RELCH: variants seen among roughly 807,000 people sequenced by gnomAD.
RELCH encodes RAB11-binding protein RELCH.
Under a neutral mutation model 150.3 loss-of-function variants are expected in RELCH, and 41 were observed. That is an observed-to-expected ratio of 0.27 (90% CI 0.21 to 0.35). The LOEUF (loss-of-function observed/expected upper bound fraction) is 0.35. Ranked by LOEUF, RELCH falls within the 10% of genes least tolerant of loss-of-function variation. The pLI is 1.00. For missense variants in RELCH, 1,092 were observed against 1,467.8 expected (o/e 0.74, Z 4.18); for synonymous variants, 478 against 531.8 (o/e 0.90, Z 1.39).
intron 19 of RELCH, 29 bp from the exon 20 acceptor site, chr18:62,268,839 TG>T (rs761211025): frequency 7.9e-5 from 92 of 1,161,250 alleles, no homozygotes; most frequent in African/African-American, 3.2e-5. Context: ...AATATACTTA[TG>T]TTTTTTTAAA....
intron 1 of RELCH, among the ~76,000 whole-genome samples, chr18:62,188,977 AATTG>A (rs1365612296): frequency 2.6e-5 from 4 of 152,176 alleles, no homozygotes; most frequent in Non-Finnish European, 5.9e-5. Context: ...ACTGCAGCCT[AATTG>A]ATTTTTTTTT....
chr18:62,282,207 C>A, intron 24 of RELCH, 99 bp from the exon 25 acceptor site: 1 of 967,534 alleles, frequency 1.0e-6, no homozygotes, highest in Non-Finnish European at 1.6e-6. Flanking sequence ...TTGCTTTAAT[C>A]CACTGCTTTA....
chr18:62,238,084 A>G (rs2041965746), intron 10 of RELCH, among the ~76,000 whole-genome samples: 2 of 152,008 alleles, frequency 1.3e-5, no homozygotes, highest in Admixed American at 6.6e-5. Context: ...ATGGCGTGCT[A>G]TCTATCATAA....
intron 26 of RELCH, among the ~76,000 whole-genome samples, chr18:62,288,207 A>G (rs1289711462): frequency 6.6e-6 from 1 of 152,150 alleles, no homozygotes; most frequent in Non-Finnish European, 1.5e-5. Flanking sequence ...TAAAAGGCAG[A>G]AGGGTTGAAG....
chr18:62,288,428 G>A (rs2044933624), intron 26 of RELCH, among the ~76,000 whole-genome samples: 1 of 152,062 alleles, frequency 6.6e-6, no homozygotes. Flanking sequence ...AACAGTCATT[G>A]ACACTGGATT....
At chr18:62,299,795 A>G (rs1184987736) in intron 28 of RELCH, among the ~76,000 whole-genome samples, 4 of 152,166 alleles carry the variant, frequency 2.6e-5, no homozygotes, top group Admixed American at 2.6e-4. Context: ...CCCAGCTTCA[A>G]TTTCATCCAT....
At position 62,249,422 on chromosome 18, in the gene RELCH, AG is replaced by A. The variant is rs1283349643; in HGVS notation, c.1734-3240del. Among the ~76,000 whole-genome samples the A allele has an allele frequency of 6.8e-4, 103 of 152,322 alleles. 1 individual carries two copies. The highest frequency in any genetic ancestry group is 2.5e-3 in the African/African-American group (102 of 41,578). ...AGCAGCCCTAACATGCAAGTCAACT[AG>A]GAATAAGGGAAATTAAATCACTATA... is the stretch of plus-strand genomic sequence containing the variant. On this transcript the variant is annotated intron_variant, in intron 11 of 28. Transcript: ENST00000644646.
intron 25 of RELCH, among the ~76,000 whole-genome samples, chr18:62,284,634 G>A (rs1040463491): frequency 1.3e-5 from 2 of 152,108 alleles, no homozygotes; most frequent in Non-Finnish European, 2.9e-5. Context: ...TGAAGAATGC[G>A]ATAGTGTTAT....
In RELCH at chr18:62,305,572, C is replaced by T. The variant is rs1192690375; in HGVS notation, c.*38C>T. On this transcript the variant is annotated 3_prime_UTR_variant, in exon 29 of 29. Coordinates refer to ENST00000644646, the MANE Select transcript of RELCH (RefSeq NM_001346231.2). The surrounding 1 kb of genome is among the most constrained non-coding windows in gnomAD (Gnocchi z 4.0). ...AGCCCCCAGTAAACACTAAGATGGA[C>T]CTCAAGCCGACTGGTTCCTTGTACT... 2 of 1,569,112 alleles carry T rather than the reference C, an allele frequency of 1.3e-6. No homozygotes were observed. Among genetic ancestry groups the T allele is most frequent in the East Asian group, 4.6e-5 (2 of 43,380 alleles).
chr18:62,279,544 G>A lies in RELCH; in HGVS notation c.2968-230G>A, dbSNP rs575515846. Among the ~76,000 whole-genome samples, 123 of 152,298 alleles carry A rather than the reference G, an allele frequency of 8.1e-4. 1 individual carries two copies. Among genetic ancestry groups the A allele is most frequent in the African/African-American group, 2.6e-3 (108 of 41,562 alleles). On this transcript the variant is annotated intron_variant, in intron 22 of 28. Coordinates refer to ENST00000644646, the MANE Select transcript of RELCH (RefSeq NM_001346231.2). ...AAAAGTACAAACTGCTGTTAAACTG[G>A]TGACAAAATCTGTTTTCATGGACGC...
At position 62,207,535 on chromosome 18, in the gene RELCH, T is replaced by G. The variant is rs114033885; in HGVS notation, c.527-3618T>G. Among the ~76,000 whole-genome samples, 146 of 152,334 alleles carry G rather than the reference T, an allele frequency of 9.6e-4. 1 individual carries two copies. The highest frequency in any genetic ancestry group is 3.4e-3 in the African/African-American group (142 of 41,576). On this transcript the variant is annotated intron_variant, in intron 1 of 28. Coordinates refer to ENST00000644646, the MANE Select transcript of RELCH (RefSeq NM_001346231.2). The stretch of plus-strand genomic sequence containing the variant: ...TGGAAGTAGAATTACTGTCCTATGA[T>G]AGATAACTCTGTAGCCTTTTAAGAA...
At chr18:62,214,398 C>T (rs1200416737) in intron 2 of RELCH, among the ~76,000 whole-genome samples, 1 of 152,176 alleles carries the variant, frequency 6.6e-6, no homozygotes, top group African/African-American at 2.4e-5. Flanking sequence ...AGATAATTGT[C>T]TTTCATCTGC....
Position 62,194,703 on chromosome 18 carries a change from G to T in RELCH, c.526+6672G>T, listed in dbSNP as rs558331360. On this transcript the variant is annotated intron_variant, in intron 1 of 28. Transcript: ENST00000644646. Reference sequence around the variant, plus strand: ...ATGTCGATTGATACTACTTGGATGTGATTTTATAATACTCAATAAGCACTT... The same window carrying T: ...ATGTCGATTGATACTACTTGGATGTTATTTTATAATACTCAATAAGCACTT... Among the ~76,000 whole-genome samples, 17 of 152,246 alleles carry T rather than the reference G, an allele frequency of 1.1e-4. No individual in the cohort carries two copies. In the South Asian group the frequency reaches 1.4e-3, roughly 13 times the overall value.
intron 2 of RELCH, among the ~76,000 whole-genome samples, chr18:62,215,637 G>A (rs1364526794): frequency 2.0e-5 from 3 of 152,116 alleles, no homozygotes; most frequent in Admixed American, 6.6e-5. Flanking sequence ...TAGGAATGCT[G>A]CAAAATAGGT....
chr18:62,213,560 T>C (rs1302889581), intron 2 of RELCH, among the ~76,000 whole-genome samples: 1 of 151,822 alleles, frequency 6.6e-6, no homozygotes, highest in Non-Finnish European at 1.5e-5. Flanking sequence ...TGAAACCCCA[T>C]CTCTACTAAA....
rs1363281661 is a variant in RELCH at position 62,235,039 on chromosome 18, T to G, written c.1620+2612T>G. 5 of 151,914 alleles carry G rather than the reference T, an allele frequency of 3.3e-5. No homozygotes were observed. The East Asian group carries it at 9.6e-4, about 29-fold the overall frequency. 9.4% of individuals were successfully genotyped at this position (151,914 alleles called of 1,614,324 possible). A position where few individuals can be genotyped will look rare whatever the true frequency, so the allele number is the denominator to read the frequency against. On this transcript the variant is annotated intron_variant, in intron 10 of 28. Coordinates refer to ENST00000644646, the MANE Select transcript of RELCH (RefSeq NM_001346231.2). ...ATCAATGTTATAGAAGATATATATA[T>G]CTATATGTATATGAATATATATAAG... is the stretch of plus-strand genomic sequence containing the variant.
chr18:62,187,627 T>G lies in RELCH; in HGVS notation c.122T>G (p.Leu41Arg), dbSNP rs758174003. The stretch of plus-strand genomic sequence containing the variant: ...GAGGAACGGCGGGCAGTACTTCGGC[T>G]GGGCGCCGGAAGTGGCCTAGATCCT... Reference protein sequence around the residue: ...ATEERRAVLRLGAGSGLDPGS... With the variant: ...ATEERRAVLRRGAGSGLDPGS... Residue 41 changes from leucine (L) to arginine (R), a missense_variant, in exon 1 of 29, where the codon CTG (leucine) becomes CGG (arginine). Coordinates refer to ENST00000644646, the MANE Select transcript of RELCH (RefSeq NM_001346231.2). 9.1e-6 allele frequency: 14 copies of G among 1,537,552 alleles called. No individual in the cohort carries two copies. Among genetic ancestry groups the G allele is most frequent in the Non-Finnish European group, 1.1e-5 (13 of 1,140,500 alleles).
At chr18:62,245,233 A>G (rs989051040) in intron 11 of RELCH, among the ~76,000 whole-genome samples, 2 of 152,250 alleles carry the variant, frequency 1.3e-5, no homozygotes, top group Admixed American at 6.5e-5. Context: ...TAAAATATGT[A>G]TAAATCCTAC....
chr18:62,279,031 T>A (rs1338023104), intron 22 of RELCH, among the ~76,000 whole-genome samples: 1 of 152,186 alleles, frequency 6.6e-6, no homozygotes, highest in Non-Finnish European at 1.5e-5. Flanking sequence ...TATTTAGGTA[T>A]GTTATTTGCA....
Sources: allele counts gnomAD v4.1 joint callset (sites outside exome capture counted in the v4.1 genomes callset), GRCh38; gene constraint gnomAD v4.1.1; non-coding constraint Gnocchi (gnomAD v3.1); transcripts MANE v1.5; gene names NCBI Gene and HGNC (gene_info 2026-07-23, HGNC 2026-07-21).